KCNQ5: variants seen among roughly 807,000 people sequenced by gnomAD.
KCNQ5 encodes potassium voltage-gated channel subfamily KQT member 5.
A neutral mutation model predicts 98.2 loss-of-function variants in KCNQ5; 30 were observed. That is an observed-to-expected ratio of 0.31 (90% CI 0.23 to 0.41). The LOEUF (loss-of-function observed/expected upper bound fraction) is 0.41, where lower values mean the gene tolerates loss of function less well. KCNQ5 is among the 10% of genes least tolerant of loss of function. The pLI is 1.00. For missense variants in KCNQ5, 835 were observed against 1,182.5 expected (o/e 0.71, Z 4.31); for synonymous variants, 458 against 449.4 (o/e 1.02, Z -0.24).
chr6:73,105,406 T>C lies in KCNQ5; in HGVS notation c.1029+39T>C, dbSNP rs750615489. On this transcript the variant is annotated intron_variant, in intron 6 of 13. Transcript: ENST00000370398. Reference sequence around the variant, plus strand: ...CACCAATAAAGCAGTTTAAATTAGATCTTAGAGACTTATTAGAGTGAGCTC... The same window carrying C: ...CACCAATAAAGCAGTTTAAATTAGACCTTAGAGACTTATTAGAGTGAGCTC... 2.6e-5 allele frequency: 33 copies of C among 1,266,882 alleles called. No homozygotes were observed. The East Asian group carries it at 7.8e-4, about 30-fold the overall frequency. 78.5% of individuals were successfully genotyped at this position (1,266,882 alleles called of 1,614,324 possible). A position where few individuals can be genotyped will look rare whatever the true frequency, so the allele number is the denominator to read the frequency against.
intron 1 of KCNQ5, among the ~76,000 whole-genome samples, chr6:72,917,679 G>A (rs1780211996): frequency 6.6e-6 from 1 of 151,942 alleles, no homozygotes; most frequent in Admixed American, 6.6e-5. Context: ...CACCATGTTG[G>A]CCAGGATGGT....
At chr6:72,732,502 G>C (rs2154475807) in intron 1 of KCNQ5, among the ~76,000 whole-genome samples, 1 of 152,314 alleles carries the variant, frequency 6.6e-6, no homozygotes, top group South Asian at 2.1e-4. Flanking sequence ...GTGAAAGAGA[G>C]TGCGGTTTAT....
intron 3 of KCNQ5, chr6:73,055,357 G>C: frequency 6.9e-7 from 1 of 1,452,252 alleles, no homozygotes; most frequent in Non-Finnish European, 9.6e-7. Flanking sequence ...TCAATGAGCA[G>C]CACTATGGGG....
At chr6:73,113,300 G>A (rs190803895) in intron 7 of KCNQ5, among the ~76,000 whole-genome samples, 9 of 152,218 alleles carry the variant, frequency 5.9e-5, no homozygotes, top group East Asian at 3.9e-4. Flanking sequence ...CCTTTCATCC[G>A]TCTGAGCACC....
intron 1 of KCNQ5, among the ~76,000 whole-genome samples, chr6:72,896,233 T>C (rs1779247369): frequency 6.6e-6 from 1 of 152,154 alleles, no homozygotes; most frequent in Non-Finnish European, 1.5e-5. Context: ...TTAAACCAAG[T>C]CTTTAATTGA....
chr6:73,170,029 C>T (rs570044347), intron 11 of KCNQ5, among the ~76,000 whole-genome samples, 175 bp downstream of exon 11: 7 of 152,274 alleles, frequency 4.6e-5, no homozygotes, highest in Non-Finnish European at 7.4e-5. Flanking sequence ...CAAAATTCTG[C>T]TGTGTTCAAC....
intron 1 of KCNQ5, among the ~76,000 whole-genome samples, chr6:72,936,707 AAATT>A (rs57513655): frequency 2.6e-5 from 4 of 152,344 alleles, no homozygotes; most frequent in Middle Eastern, 3.4e-3. Flanking sequence ...CTGATTTTTA[AAATT>A]AATTAATCTA....
At chr6:72,909,467 C>T (rs1384354505) in intron 1 of KCNQ5, among the ~76,000 whole-genome samples, 1 of 152,156 alleles carries the variant, frequency 6.6e-6, no homozygotes, top group African/African-American at 2.4e-5. Context: ...GAATAATGAT[C>T]TTTGACCAAC....
At chr6:73,191,130 G>A (rs575021351) in intron 12 of KCNQ5, among the ~76,000 whole-genome samples, 30 of 152,020 alleles carry the variant, frequency 2.0e-4, no homozygotes, top group Non-Finnish European at 3.5e-4. Context: ...TGGGAATAAC[G>A]TACTATTTCT....
chr6:72,977,837 G>GT (rs1768230718), intron 1 of KCNQ5, among the ~76,000 whole-genome samples: 1 of 152,072 alleles, frequency 6.6e-6, no homozygotes, highest in Admixed American at 6.6e-5. Context: ...CCGCTATAAT[G>GT]TAAGTTCTGT....
intron 1 of KCNQ5, among the ~76,000 whole-genome samples, chr6:72,855,191 A>G (rs1049858843): frequency 2.0e-5 from 3 of 152,182 alleles, no homozygotes; most frequent in Non-Finnish European, 2.9e-5. Flanking sequence ...TGGTGGACCA[A>G]ATTTTTTTAA....
At chr6:73,150,184 C>CT (rs146975668) in intron 10 of KCNQ5, among the ~76,000 whole-genome samples, 4,332 of 151,962 alleles carry the variant, frequency 0.029, 73 homozygotes, top group Middle Eastern at 0.041. Flanking sequence ...GCCAGAATGG[C>CT]TGAAACAAAA....
In KCNQ5 at chr6:73,125,064, T is replaced by G. The variant is rs545681625; in HGVS notation, c.1247+552T>G. Among the ~76,000 whole-genome samples the G allele has an allele frequency of 1.5e-3, 208 of 142,164 alleles. 5 individuals carry two copies. The highest frequency in any genetic ancestry group is 5.6e-3 in the African/African-American group (204 of 36,552). The allele number at this position is 142,164 out of a possible 152,430, so 93.3% of individuals were successfully genotyped here. On this transcript the variant is annotated intron_variant, in intron 9 of 13. Transcript: ENST00000370398. ...GTATATATACCTATACATATAATCT[T>G]TTTTTTTGGCAAGATGAAACCACCT...
chr6:73,146,102 G>A (rs1776913490), intron 10 of KCNQ5, among the ~76,000 whole-genome samples: 1 of 152,126 alleles, frequency 6.6e-6, no homozygotes, highest in Non-Finnish European at 1.5e-5. Context: ...GATCTATTTA[G>A]AATTCTCCAG....
intron 1 of KCNQ5, among the ~76,000 whole-genome samples, chr6:72,947,029 T>C (rs1343781139): frequency 6.6e-6 from 1 of 152,178 alleles, no homozygotes; most frequent in Non-Finnish European, 1.5e-5. Flanking sequence ...CACCAGTGAT[T>C]ATTTTAACCA....
chr6:72,921,936 G>A lies in KCNQ5; in HGVS notation c.399-81972G>A, dbSNP rs1780417904. Among the ~76,000 whole-genome samples the A allele has an allele frequency of 3.3e-5, 5 of 152,160 alleles. No individual in the cohort carries two copies. The South Asian group carries it at 1.0e-3, about 31-fold the overall frequency. ...GGATGTAAAGAAAAATTTAAGACATGTGGCTCCCTCAACTTGAAATTCTTG... is the reference window on the plus strand; with the variant it reads ...GGATGTAAAGAAAAATTTAAGACATATGGCTCCCTCAACTTGAAATTCTTG... On this transcript the variant is annotated intron_variant, in intron 1 of 13. Transcript: ENST00000370398.
At chr6:73,025,603 A>G (rs906150458) in intron 2 of KCNQ5, among the ~76,000 whole-genome samples, 6 of 139,298 alleles carry the variant, frequency 4.3e-5, no homozygotes, top group African/African-American at 1.6e-4. Flanking sequence ...AGCCTGGGCG[A>G]CAAGAGCAAA....
chr6:72,974,051 G>A (rs1481338523), intron 1 of KCNQ5, among the ~76,000 whole-genome samples: 1 of 152,166 alleles, frequency 6.6e-6, no homozygotes, highest in Non-Finnish European at 1.5e-5. Flanking sequence ...CTTTGCTGGG[G>A]GAGAAGTAAC....
Position 72,622,257 on chromosome 6 carries a change from C to T in KCNQ5, c.68C>T (p.Ala23Val). The T allele has an allele frequency of 1.6e-6, 2 of 1,232,838 alleles. No homozygotes were observed. The highest frequency in any genetic ancestry group is 2.0e-6 in the Non-Finnish European group (2 of 985,186). 76.4% of individuals were successfully genotyped at this position (1,232,838 alleles called of 1,614,324 possible). ...AAGLWVKSGA[A>V]AAAAGGGRLG... is the part of the protein sequence containing the mutation. ...GGGCTCTGGGTGAAGAGCGGCGCAGCGGCGGCGGCGGCGGGCGGGGGGCGC... is the reference window on the plus strand; with the variant it reads ...GGGCTCTGGGTGAAGAGCGGCGCAGTGGCGGCGGCGGCGGGCGGGGGGCGC... The change falls in exon 1 of 14, where the codon GCG becomes GTG. Residue 23 changes from alanine to valine, a missense_variant. By Grantham distance (64) the Ala-to-Val change is moderately conservative. Transcript: ENST00000370398. This position sits in a 1 kb window ranked among gnomAD's most constrained non-coding sequence, Gnocchi z 6.0.
Sources: allele counts gnomAD v4.1 joint callset (sites outside exome capture counted in the v4.1 genomes callset), GRCh38; gene constraint gnomAD v4.1.1; non-coding constraint Gnocchi (gnomAD v3.1); transcripts MANE v1.5; gene names NCBI Gene and HGNC (gene_info 2026-07-23, HGNC 2026-07-21).